CNTNAP2: variants seen among roughly 807,000 people sequenced by gnomAD.
CNTNAP2 encodes contactin associated protein 2, also known as contactin-associated protein-like 2.
A neutral mutation model predicts 155.2 loss-of-function variants in CNTNAP2; 98 were observed. That is an observed-to-expected ratio of 0.63 (90% confidence interval 0.54 to 0.75). The LOEUF (loss-of-function observed/expected upper bound fraction) is 0.75. CNTNAP2 is among the 30% of genes least tolerant of loss of function. CNTNAP2 has a pLI of 0.00. For synonymous variants in CNTNAP2, 651 were observed against 631.2 expected (o/e 1.03, Z -0.47); for missense variants, 1,727 against 1,688.1 (o/e 1.02, Z -0.40).
chr7:147,744,586 A>G (rs1437269450), intron 13 of CNTNAP2, among the ~76,000 whole-genome samples: 4 of 152,236 alleles, frequency 2.6e-5, no homozygotes, highest in Non-Finnish European at 4.4e-5. Context: ...CCATAATAAA[A>G]TAACAAAGAT....
At chr7:147,840,066 C>CA (rs1798704153) in intron 13 of CNTNAP2, among the ~76,000 whole-genome samples, 1 of 151,864 alleles carries the variant, frequency 6.6e-6, no homozygotes, top group South Asian at 2.1e-4. Context: ...AACTCAGAAG[C>CA]AGAAAGCCAA....
At chr7:147,478,528 C>G (rs925339409) in intron 10 of CNTNAP2, among the ~76,000 whole-genome samples, 3 of 152,118 alleles carry the variant, frequency 2.0e-5, no homozygotes, top group Middle Eastern at 3.2e-3. Context: ...GTCATGAAAA[C>G]CTTTGGGTAG....
At chr7:146,393,301 G>A (rs889343101) in intron 1 of CNTNAP2, among the ~76,000 whole-genome samples, 2 of 152,160 alleles carry the variant, frequency 1.3e-5, no homozygotes, top group Non-Finnish European at 2.9e-5. Flanking sequence ...CACCCTGAAA[G>A]TGTATTAGGT....
chr7:147,746,975 G>C (rs1797053883), intron 13 of CNTNAP2, among the ~76,000 whole-genome samples: 1 of 152,122 alleles, frequency 6.6e-6, no homozygotes, highest in Non-Finnish European at 1.5e-5. Flanking sequence ...CCCTAGCTGA[G>C]ATATAAAGGT....
rs1025339449 is a variant in CNTNAP2, at chr7:146,647,558, A to C, written c.98-126713A>C. Among the ~76,000 whole-genome samples the C allele has an allele frequency of 2.6e-5, 4 of 152,318 alleles. No individual in the cohort carries two copies. In the East Asian group the frequency reaches 5.8e-4, roughly 22 times the overall value. Reference sequence around the variant, plus strand: ...ATCTTGGAACAAAATGTATTTAAAAAGGTTTAAAATTCTGCCTTATTCCTC... The same window carrying C: ...ATCTTGGAACAAAATGTATTTAAAACGGTTTAAAATTCTGCCTTATTCCTC... On this transcript the variant is annotated intron_variant, in intron 1 of 23. Transcript: ENST00000361727.
chr7:148,052,072 G>A (rs1802902742), intron 15 of CNTNAP2, among the ~76,000 whole-genome samples: 1 of 149,992 alleles, frequency 6.7e-6, no homozygotes, highest in Admixed American at 6.7e-5. Context: ...CCAGGAGGCG[G>A]AGCTTGCAGT....
At chr7:148,306,385 A>T (rs1469522884) in intron 21 of CNTNAP2, among the ~76,000 whole-genome samples, 1 of 152,084 alleles carries the variant, frequency 6.6e-6, no homozygotes, top group Non-Finnish European at 1.5e-5. Flanking sequence ...TTGGGGGACA[A>T]TTTCTTCTTT....
intron 3 of CNTNAP2, among the ~76,000 whole-genome samples, chr7:147,030,131 A>G (rs1236330896): frequency 6.6e-6 from 1 of 152,222 alleles, no homozygotes; most frequent in East Asian, 1.9e-4. Flanking sequence ...ATCTATCTGC[A>G]TCAAAAGTGT....
At position 148,156,138 on chromosome 7, in the gene CNTNAP2, C is replaced by T. The variant is rs1023617454; in HGVS notation, c.2773+8429C>T. ...AGGCCTGCAGAGGGCCACTGTCAAACGCAAAGGGTTTGGTTTAACGAGAAG... is the reference window on the plus strand; with the variant it reads ...AGGCCTGCAGAGGGCCACTGTCAAATGCAAAGGGTTTGGTTTAACGAGAAG... On this transcript the variant is annotated intron_variant, in intron 17 of 23. Coordinates refer to ENST00000361727, the MANE Select transcript of CNTNAP2 (RefSeq NM_014141.6). Among the ~76,000 whole-genome samples, 4 of 152,220 alleles carry T rather than the reference C, an allele frequency of 2.6e-5. No homozygotes were observed. In the East Asian group the frequency reaches 5.8e-4, roughly 22 times the overall value.
At chr7:148,155,460 C>A (rs2906302) in intron 17 of CNTNAP2, among the ~76,000 whole-genome samples, 66,585 of 151,876 alleles carry the variant, frequency 0.44, 15,634 homozygotes, top group African/African-American at 0.6. Context: ...AAAGTTTTTA[C>A]AAGCTGGGAT....
intron 1 of CNTNAP2, among the ~76,000 whole-genome samples, chr7:146,401,361 A>G (rs1297882228): frequency 6.6e-6 from 1 of 152,152 alleles, no homozygotes; most frequent in Non-Finnish European, 1.5e-5. Context: ...GAAAAAAATA[A>G]AAAATAAAAA....
chr7:146,986,505 T>A lies in CNTNAP2; in HGVS notation c.403-57402T>A, dbSNP rs191817452. 2.1e-3 allele frequency among the ~76,000 whole-genome samples: 322 copies of A among 152,346 alleles called. 3 individuals are homozygous for A. Among genetic ancestry groups the A allele is most frequent in the Non-Finnish European group, 9.6e-4 (65 of 68,030 alleles). On this transcript the variant is annotated intron_variant, in intron 3 of 23. Transcript: ENST00000361727. The stretch of plus-strand genomic sequence containing the variant: ...TTTTTCATTTAGTGACTCATTTACC[T>A]CTGGGTAGATGCCTAGTAGTGGAAT...
At chr7:148,360,973 T>TA (rs1273476445) in intron 21 of CNTNAP2, among the ~76,000 whole-genome samples, 7 of 152,028 alleles carry the variant, frequency 4.6e-5, no homozygotes, top group Non-Finnish European at 1.0e-4. Flanking sequence ...CATACCCAGC[T>TA]AATTTTTGTA....
chr7:147,864,710 C>G (rs975528015), intron 13 of CNTNAP2, among the ~76,000 whole-genome samples: 4 of 152,116 alleles, frequency 2.6e-5, no homozygotes, highest in Admixed American at 6.5e-5. Flanking sequence ...GGAGTTCACT[C>G]ATGATTTGGC....
At chr7:146,182,114 A>G (rs970715637) in intron 1 of CNTNAP2, among the ~76,000 whole-genome samples, 3 of 152,160 alleles carry the variant, frequency 2.0e-5, no homozygotes, top group African/African-American at 4.8e-5. Flanking sequence ...TTAATAAAAA[A>G]GAAAAAGAAA....
intron 22 of CNTNAP2, 31 bp downstream of exon 22, chr7:148,383,919 C>T (rs767981525): frequency 6.2e-7 from 1 of 1,601,046 alleles, no homozygotes; most frequent in South Asian, 1.1e-5. Flanking sequence ...AGGCAGGTTG[C>T]TTCATTTCTT....
intron 4 of CNTNAP2, among the ~76,000 whole-genome samples, chr7:147,097,820 G>C (rs1800573037): frequency 6.6e-6 from 1 of 152,204 alleles, no homozygotes; most frequent in South Asian, 2.1e-4. Context: ...CGAATATGTA[G>C]CGTGTTTCAA....
chr7:146,117,692 C>CTG (rs918362136), intron 1 of CNTNAP2, among the ~76,000 whole-genome samples: 2 of 151,646 alleles, frequency 1.3e-5, no homozygotes, highest in East Asian at 1.9e-4. Flanking sequence ...TTTTAATCAA[C>CTG]TGTGTGTGTG....
chr7:147,797,706 A>G (rs1246472480), intron 13 of CNTNAP2, among the ~76,000 whole-genome samples: 5 of 152,180 alleles, frequency 3.3e-5, no homozygotes, highest in Admixed American at 2.6e-4. Context: ...TTTTTAATGC[A>G]TATCCATTCT....
Sources: gnomAD v4.1 joint callset for allele counts (sites outside exome capture counted in the v4.1 genomes callset) on GRCh38, gnomAD v4.1.1 for gene constraint, MANE v1.5 for transcripts, NCBI Gene and HGNC (gene_info 2026-07-23, HGNC 2026-07-21) for gene names.